Variants in AHI1 observed in about 807,000 individuals in gnomAD.
AHI1 encodes the protein Abelson helper integration site 1.
A neutral mutation model predicts 149.3 loss-of-function variants in AHI1; 123 were observed. The observed-to-expected ratio is 0.82, with a 90% confidence interval of 0.71 to 0.96. The LOEUF (loss-of-function observed/expected upper bound fraction) is 0.96. Ranked by LOEUF, AHI1 falls within the 40% of genes least tolerant of loss-of-function variation. The pLI is 0.00. For synonymous variants in AHI1, 475 were observed against 459.8 expected (o/e 1.03, Z -0.42); for missense variants, 1,439 against 1,422.7 (o/e 1.01, Z -0.18).
Position 135,431,145 on chromosome 6 carries a change from C to T in AHI1, c.2373+63G>A, listed in dbSNP as rs926503209. The T allele has an allele frequency of 3.6e-6, 4 of 1,099,786 alleles. No homozygotes were observed. The African/African-American group carries it at 6.3e-5, about 17-fold the overall frequency. 68.1% of individuals were successfully genotyped at this position (1,099,786 alleles called of 1,614,324 possible). A position where few individuals can be genotyped will look rare whatever the true frequency, so the allele number is the denominator to read the frequency against. ...ATGTCCTGACATCCTATCTTAAAGT[C>T]ATGTGATTGGATTTTTCCAACTTCT... On this transcript the variant is annotated intron_variant, in intron 17 of 28. Coordinates refer to ENST00000265602, the MANE Select transcript of AHI1 (RefSeq NM_001134831.2).
chr6:135,479,582 C>CT lies in AHI1; in HGVS notation c.135+11040dup, dbSNP rs1177041860. On this transcript the variant is annotated intron_variant, in intron 5 of 28. Transcript: ENST00000265602. Reference sequence around the variant, plus strand: ...CACATTGTATCTTGGAAGTAACTAACTTTTTTTTTATTTTACAGGCTCATA... The same window carrying CT: ...CACATTGTATCTTGGAAGTAACTAACTTTTTTTTTTATTTTACAGGCTCATA... 9.6e-4 allele frequency among the ~76,000 whole-genome samples: 146 copies of CT among 151,920 alleles called. 1 individual carries two copies. Among genetic ancestry groups the CT allele is most frequent in the African/African-American group, 3.2e-3 (133 of 41,444 alleles).
chr6:135,382,908 AAAAAAAAAAAAAAAAAAAATATAT>A (rs903692532), intron 23 of AHI1, among the ~76,000 whole-genome samples: 1 of 98,798 alleles, frequency 1.0e-5, no homozygotes, highest in Admixed American at 1.1e-4. Context: ...AAAAAAAAAA[AAAAAAAAAAAAAAAAAAAATATAT>A]ATATATATAT....
intron 24 of AHI1, among the ~76,000 whole-genome samples, chr6:135,344,936 A>ACACG (rs1325918165): frequency 6.6e-6 from 1 of 150,762 alleles, no homozygotes; most frequent in East Asian, 1.9e-4. Context: ...TCACACACAC[A>ACACG]CACACACACA....
intron 24 of AHI1, among the ~76,000 whole-genome samples, chr6:135,338,222 C>T (rs1158694898): frequency 2.0e-5 from 3 of 149,402 alleles, no homozygotes; most frequent in Admixed American, 6.7e-5. Flanking sequence ...ATCACTTGAA[C>T]CTGGGAGGCG....
At chr6:135,353,418 A>G (rs957836904) in intron 24 of AHI1, among the ~76,000 whole-genome samples, 6 of 152,150 alleles carry the variant, frequency 3.9e-5, no homozygotes, top group African/African-American at 1.4e-4. Context: ...GGAAAATGCA[A>G]TAGATTGTAG....
chr6:135,381,294 C>T (rs1224970188), intron 23 of AHI1, among the ~76,000 whole-genome samples: 1 of 152,088 alleles, frequency 6.6e-6, no homozygotes, highest in Non-Finnish European at 1.5e-5. Context: ...ACAAATTTAA[C>T]AGCAATGAGA....
intron 27 of AHI1, among the ~76,000 whole-genome samples, chr6:135,295,184 A>C (rs1295689610): frequency 1.3e-5 from 2 of 152,246 alleles, no homozygotes; most frequent in African/African-American, 2.4e-5. Flanking sequence ...TAACATCATT[A>C]GTTGTTGGGG....
intron 28 of AHI1, 150 bp downstream of exon 28, chr6:135,290,273 G>T: frequency 3.2e-6 from 2 of 619,882 alleles, no homozygotes; most frequent in South Asian, 2.3e-5. Context: ...CTCCAAGGTC[G>T]CAAATGGCCT....
At chr6:135,290,845 T>C (rs1222384664) in intron 27 of AHI1, among the ~76,000 whole-genome samples, 1 of 151,846 alleles carries the variant, frequency 6.6e-6, no homozygotes, top group Non-Finnish European at 1.5e-5. Context: ...ATTTCATCTG[T>C]CTCAGAAAAA....
chr6:135,394,701 G>A (rs1562658752), intron 23 of AHI1, 75 bp downstream of exon 23: 1 of 1,563,930 alleles, frequency 6.4e-7, no homozygotes, highest in East Asian at 2.3e-5. Context: ...TATTTCTAAA[G>A]AAATAAGTGA....
At chr6:135,350,750 T>C (rs1791970719) in intron 24 of AHI1, among the ~76,000 whole-genome samples, 1 of 152,120 alleles carries the variant, frequency 6.6e-6, no homozygotes, top group African/African-American at 2.4e-5. Context: ...AGATCAAATG[T>C]TCGAAGGTCT....
intron 5 of AHI1, among the ~76,000 whole-genome samples, chr6:135,479,853 T>C (rs757969502): frequency 5.3e-4 from 80 of 152,314 alleles, no homozygotes; most frequent in Non-Finnish European, 9.6e-4. Flanking sequence ...GACTGAATCA[T>C]GGGTGTCAAC....
chr6:135,376,997 C>T lies in AHI1; in HGVS notation c.3109+17779G>A, dbSNP rs115720312. On this transcript the variant is annotated intron_variant, in intron 23 of 28. Coordinates refer to ENST00000265602, the MANE Select transcript of AHI1 (RefSeq NM_001134831.2). ...TCTAGATTAACTGATATTAATGACA[C>T]GACAAGCAATTTAAGTATGAATCTG... 3.6e-3 allele frequency among the ~76,000 whole-genome samples: 524 copies of T among 145,990 alleles called. 4 individuals are homozygous for T. Among genetic ancestry groups the T allele is most frequent in the African/African-American group, 0.013 (504 of 39,188 alleles).
intron 5 of AHI1, among the ~76,000 whole-genome samples, chr6:135,482,523 T>C (rs1365861840): frequency 2.0e-5 from 3 of 152,152 alleles, no homozygotes; most frequent in African/African-American, 7.2e-5. Flanking sequence ...TTCTTGACAT[T>C]TACTGATCAT....
At chr6:135,325,889 T>C (rs932667525) in intron 24 of AHI1, among the ~76,000 whole-genome samples, 1 of 152,230 alleles carries the variant, frequency 6.6e-6, no homozygotes, top group East Asian at 1.9e-4. Flanking sequence ...TACATCAGGC[T>C]GTGTCACTGT....
intron 26 of AHI1, among the ~76,000 whole-genome samples, chr6:135,317,100 C>A (rs1026767296): frequency 6.6e-6 from 1 of 152,076 alleles, no homozygotes; most frequent in Non-Finnish European, 1.5e-5. Flanking sequence ...CTCCATCCCC[C>A]CTAGTTCAGG....
chr6:135,330,704 G>A (rs530629471), intron 24 of AHI1, among the ~76,000 whole-genome samples: 5 of 152,260 alleles, frequency 3.3e-5, no homozygotes, highest in South Asian at 2.1e-4. Flanking sequence ...GCCGGCAGCC[G>A]AATCTAACCA....
At chr6:135,463,788 G>A (rs1211028648) in intron 7 of AHI1, among the ~76,000 whole-genome samples, 2 of 151,678 alleles carry the variant, frequency 1.3e-5, no homozygotes, top group Non-Finnish European at 2.9e-5. Flanking sequence ...GTTTCGCGCT[G>A]TCGCCCAAGT....
chr6:135,325,645 G>C (rs1787556132), intron 24 of AHI1, among the ~76,000 whole-genome samples: 2 of 152,138 alleles, frequency 1.3e-5, no homozygotes, highest in Non-Finnish European at 2.9e-5. Flanking sequence ...ATAGAATCAA[G>C]ACTTAAACCC....
Sources: allele counts gnomAD v4.1 joint callset (sites outside exome capture counted in the v4.1 genomes callset), GRCh38; gene constraint gnomAD v4.1.1; transcripts MANE v1.5; gene names NCBI Gene and HGNC (gene_info 2026-07-23, HGNC 2026-07-21).